NIPBL: variants seen among roughly 807,000 people sequenced by gnomAD.
The protein encoded by NIPBL is nipped-B-like protein.
In NIPBL, 19 loss-of-function variants were observed where a neutral mutation model predicts 321.8. The ratio of observed to expected loss-of-function variants is 0.06; its 90% confidence interval spans 0.04 to 0.09. The LOEUF is 0.09. NIPBL is among the 10% of genes least tolerant of loss of function. The probability of loss-of-function intolerance (pLI) is 1.00; values close to 1 mark genes in which losing one functional copy is unlikely to be tolerated. For synonymous variants in NIPBL, 1,106 were observed against 1,114.1 expected (o/e 0.99, Z 0.14); for missense variants, 2,210 against 3,327.0 (o/e 0.66, Z 8.26).
rs768342988 is a variant in NIPBL, at chr5:36,984,752, T to C, written c.1572T>C (p.Ala524=). 4 of 1,613,790 alleles carry C rather than the reference T, an allele frequency of 2.5e-6. No individual in the cohort carries two copies. Among genetic ancestry groups the C allele is most frequent in the Non-Finnish European group, 3.4e-6 (4 of 1,179,784 alleles). ...AGGATGGNRP[A]SQETGSTGNG... is the part of the protein sequence containing the mutation. ...GTGCTACAGGAGGTAATAGACCAGCTTCTCAGGAGACGGGTTCTACGGGAA... is the reference window on the plus strand; with the variant it reads ...GTGCTACAGGAGGTAATAGACCAGCCTCTCAGGAGACGGGTTCTACGGGAA... Residue 524 remains alanine (A), a synonymous_variant, in exon 10 of 47, where the codon GCT becomes GCC. Transcript: ENST00000282516.
chr5:37,013,295 G>C (rs1173868695), intron 21 of NIPBL, among the ~76,000 whole-genome samples: 1 of 150,382 alleles, frequency 6.6e-6, no homozygotes, highest in African/African-American at 2.4e-5. Context: ...CCAGGCGGGG[G>C]GCTGACCCCC....
intron 40 of NIPBL, among the ~76,000 whole-genome samples, chr5:37,049,534 A>G (rs1376824435): frequency 2.6e-5 from 4 of 152,226 alleles, no homozygotes; most frequent in East Asian, 3.8e-4. Flanking sequence ...GGCAGAACAT[A>G]TACTCAAATT....
intron 8 of NIPBL, 95 bp from the exon 9 acceptor site, chr5:36,975,681 A>T: frequency 1.7e-6 from 2 of 1,144,900 alleles, no homozygotes; most frequent in South Asian, 1.4e-5. Context: ...ATTTTTTTCT[A>T]GTATTACTAT....
At chr5:37,016,944 GA>G (rs1749065575) in intron 23 of NIPBL, 74 bp from the exon 24 acceptor site, 10 of 1,013,766 alleles carry the variant, frequency 9.9e-6, no homozygotes, top group Non-Finnish European at 1.3e-5. Context: ...TTTAGATTGG[GA>G]ATTTATATGA....
Position 37,045,552 on chromosome 5 carries a change from T to C in NIPBL, c.6453T>C (p.Cys2151=). The change falls in exon 37 of 47, where the codon TGT becomes TGC. Residue 2151 remains cysteine (C), a synonymous_variant. Coordinates refer to ENST00000282516, the MANE Select transcript of NIPBL (RefSeq NM_133433.4). ...CCCTTTTCACCGTTGGAGCACTATG[T>C]CGGCATTTTGATTTTGATCTGGAAG... is the stretch of plus-strand genomic sequence containing the variant. ...LRSLFTVGAL[C]RHFDFDLEDF... 6.2e-7 allele frequency: 1 copy of C among 1,614,106 alleles called. No individual in the cohort carries two copies.
At chr5:37,047,048 G>T (rs1455512678) in intron 38 of NIPBL, among the ~76,000 whole-genome samples, 2 of 152,094 alleles carry the variant, frequency 1.3e-5, no homozygotes, top group African/African-American at 4.8e-5. Flanking sequence ...CAATACAACA[G>T]CAATTTACAT....
At chr5:36,948,121 C>T (rs1739890174) in intron 1 of NIPBL, among the ~76,000 whole-genome samples, 1 of 151,836 alleles carries the variant, frequency 6.6e-6, no homozygotes, top group African/African-American at 2.4e-5. Context: ...GAAATATGTA[C>T]CCCCCTTTAC....
In NIPBL at chr5:37,049,357, T is replaced by G. The variant is rs955333945; in HGVS notation, c.6954+56T>G. The G allele has an allele frequency of 1.5e-5, 23 of 1,526,764 alleles. No individual in the cohort carries two copies. The African/African-American group carries it at 3.1e-4, about 21-fold the overall frequency. The allele number at this position is 1,526,764 out of a possible 1,614,324, so 94.6% of individuals were successfully genotyped here. A position where few individuals can be genotyped will look rare whatever the true frequency, so the allele number is the denominator to read the frequency against. ...TAAAAGAGCAAGATTAGTTGTAATT[T>G]GATACATTGTGATTATAGAGAATAA... On this transcript the variant is annotated intron_variant, in intron 40 of 46. Transcript: ENST00000282516.
chr5:36,926,915 G>A (rs1749407449), intron 1 of NIPBL, among the ~76,000 whole-genome samples: 1 of 151,996 alleles, frequency 6.6e-6, no homozygotes, highest in Non-Finnish European at 1.5e-5. Flanking sequence ...TTTTTTTACC[G>A]GGAACAAATT....
intron 33 of NIPBL, 45 bp from the exon 34 acceptor site, chr5:37,038,557 A>G: frequency 6.3e-7 from 1 of 1,581,226 alleles, no homozygotes; most frequent in Non-Finnish European, 8.7e-7. Context: ...AGTTTCCACT[A>G]CCTTGTCATA....
At chr5:36,882,622 CA>C (rs1561343030) in intron 1 of NIPBL, among the ~76,000 whole-genome samples, 1 of 151,944 alleles carries the variant, frequency 6.6e-6, no homozygotes, top group African/African-American at 2.4e-5. Context: ...TGAGGTTCAT[CA>C]TGCTTAAGAA....
At chr5:36,912,167 TA>T (rs1479063292) in intron 1 of NIPBL, among the ~76,000 whole-genome samples, 1 of 152,160 alleles carries the variant, frequency 6.6e-6, no homozygotes, top group Non-Finnish European at 1.5e-5. Context: ...AGAATAGATT[TA>T]AGAAATACAG....
intron 24 of NIPBL, 67 bp downstream of exon 24, chr5:37,017,229 T>G: frequency 7.0e-7 from 1 of 1,423,110 alleles, no homozygotes; most frequent in East Asian, 2.4e-5. Flanking sequence ...GTCCTTACAT[T>G]AGTTTTGCAT....
chr5:37,042,707 A>T (rs907340634), intron 34 of NIPBL, among the ~76,000 whole-genome samples: 36 of 151,046 alleles, frequency 2.4e-4, no homozygotes, highest in African/African-American at 8.5e-4. Context: ...TTCTCCTTCC[A>T]TGCCTCCAGC....
intron 42 of NIPBL, among the ~76,000 whole-genome samples, chr5:37,052,788 A>G (rs980164896): frequency 5.3e-5 from 8 of 152,228 alleles, no homozygotes; most frequent in Admixed American, 2.0e-4. Flanking sequence ...TTTTGCCTCC[A>G]TACTGAATAT....
chr5:37,009,543 G>A (rs1018696101), intron 20 of NIPBL, among the ~76,000 whole-genome samples: 3 of 152,078 alleles, frequency 2.0e-5, no homozygotes, highest in African/African-American at 4.8e-5. Flanking sequence ...TTTATTGTCT[G>A]TTAAACCTGA....
chr5:36,909,480 T>A (rs1254504830), intron 1 of NIPBL, among the ~76,000 whole-genome samples: 1 of 152,134 alleles, frequency 6.6e-6, no homozygotes, highest in Non-Finnish European at 1.5e-5. Flanking sequence ...GAATCAAAAT[T>A]TTAAATTACG....
chr5:36,995,904 C>T (rs1746089854), intron 11 of NIPBL, 100 bp downstream of exon 11: 1 of 1,029,536 alleles, frequency 9.7e-7, no homozygotes, highest in Non-Finnish European at 1.5e-6. Flanking sequence ...AGCACAGTCA[C>T]CTTAATTCTT....
intron 37 of NIPBL, among the ~76,000 whole-genome samples, chr5:37,045,866 C>CT (rs1414082285): frequency 5.3e-5 from 8 of 152,102 alleles, no homozygotes; most frequent in Admixed American, 3.9e-4. Flanking sequence ...CAACAGCTGA[C>CT]TTTTTAAAAA....
Sources: gnomAD v4.1 joint callset for allele counts (sites outside exome capture counted in the v4.1 genomes callset) on GRCh38, gnomAD v4.1.1 for gene constraint, MANE v1.5 for transcripts, NCBI Gene and HGNC (gene_info 2026-07-23, HGNC 2026-07-21) for gene names.